Variants in MFSD11 observed in about 807,000 individuals in gnomAD.
MFSD11 encodes UNC93-like protein MFSD11.
A neutral mutation model predicts 53.5 loss-of-function variants in MFSD11; 36 were observed. The ratio of observed to expected loss-of-function variants is 0.67; its 90% CI spans 0.52 to 0.89. MFSD11 has a LOEUF of 0.89. MFSD11 is among the 40% of genes least tolerant of loss of function. The probability of loss-of-function intolerance (pLI) is 0.00; values close to 1 mark genes in which losing one functional copy is unlikely to be tolerated. For synonymous variants in MFSD11, 186 were observed against 184.9 expected (o/e 1.01, Z -0.05); for missense variants, 530 against 543.9 (o/e 0.97, Z 0.25).
chr17:76,778,511 G>T lies in MFSD11; in HGVS notation c.*159G>T. The T allele has an allele frequency of 1.5e-6, 1 of 647,610 alleles. No homozygotes were observed. Among genetic ancestry groups the T allele is most frequent in the South Asian group, 2.4e-5 (1 of 42,278 alleles). The allele number at this position is 647,610 out of a possible 1,614,324, so 40.1% of individuals were successfully genotyped here. ...TAAATCAGCCAGAGTTGGTGTTCAA[G>T]TTTACAGATATGAGTTATTTAAAGC... On this transcript the variant is annotated 3_prime_UTR_variant, in exon 13 of 13. Transcript: ENST00000685175.
At chr17:76,797,460 A>G in the MFSD11 span, among the ~76,000 whole-genome samples, 1 of 152,170 alleles carries the variant, frequency 6.6e-6, no homozygotes, top group African/African-American at 2.4e-5. Context: ...GTATGCTAAT[A>G]TGTTATACTT....
In MFSD11 at chr17:76,744,486, C is replaced by T. The variant is rs1328432928; in HGVS notation, c.641+20C>T. On this transcript the variant is annotated intron_variant, in intron 7 of 12. Transcript: ENST00000685175. The stretch of plus-strand genomic sequence containing the variant: ...CAACGAGTAAGATGTTGGAAACATT[C>T]TATTTTATTTTAAAATAGATTTTGA... The T allele has an allele frequency of 1.3e-6, 2 of 1,599,592 alleles. No homozygotes were observed. The highest frequency in any genetic ancestry group is 1.1e-5 in the South Asian group (1 of 88,780).
the MFSD11 span, among the ~76,000 whole-genome samples, chr17:76,791,660 C>A: frequency 3.6e-4 from 53 of 148,894 alleles, 6 homozygotes; most frequent in Middle Eastern, 0.01. Context: ...TGGCTGCCCC[C>A]CAAGCTGTAC....
chr17:76,780,517 G>GTT (rs80157532), downstream of MFSD11, among the ~76,000 whole-genome samples: 280 of 134,520 alleles, frequency 2.1e-3, 4 homozygotes, highest in African/African-American at 7.1e-3. Flanking sequence ...TTGTGTATGT[G>GTT]TTTTTTTTTT....
chr17:76,798,085 A>G, the MFSD11 span, among the ~76,000 whole-genome samples: 1 of 151,464 alleles, frequency 6.6e-6, no homozygotes. Flanking sequence ...ATGGGGTCTC[A>G]CTATGTTGCT....
At chr17:76,770,431 G>T (rs1212908504) in intron 10 of MFSD11, among the ~76,000 whole-genome samples, 2 of 152,080 alleles carry the variant, frequency 1.3e-5, no homozygotes, top group African/African-American at 4.8e-5. Context: ...AATGTCTCCC[G>T]ACTTTTCCTC....
At chr17:76,744,529 A>T in intron 7 of MFSD11, 63 bp downstream of exon 7, 1 of 1,462,866 alleles carries the variant, frequency 6.8e-7, no homozygotes, top group East Asian at 2.4e-5. Flanking sequence ...TAGTCTAGAG[A>T]TTACCAACCC....
chr17:76,740,811 G>T (rs2077999975), intron 2 of MFSD11, 146 bp from the exon 3 acceptor site: 1 of 595,928 alleles, frequency 1.7e-6, no homozygotes, highest in South Asian at 2.1e-5. Context: ...GTATTGAATT[G>T]AATGATATAA....
At chr17:76,786,074 C>CAAA (rs35306490), downstream of MFSD11, among the ~76,000 whole-genome samples, 5 of 75,874 alleles carry the variant, frequency 6.6e-5, no homozygotes, top group East Asian at 5.6e-4. Flanking sequence ...GACTCCATCT[C>CAAA]AAAAAAAAAA....
intron 10 of MFSD11, 33 bp from the exon 11 acceptor site, chr17:76,774,964 C>A: frequency 6.2e-7 from 1 of 1,601,064 alleles, no homozygotes; most frequent in Non-Finnish European, 8.5e-7. Flanking sequence ...GTTTCGGCAA[C>A]ATTAGTGACG....
rs530382493 is a variant in MFSD11, at chr17:76,754,101, G to A, written c.682+14G>A. 10 of 1,607,334 alleles carry A rather than the reference G, an allele frequency of 6.2e-6. No individual in the cohort carries two copies. The Admixed American group carries it at 1.3e-4, about 22-fold the overall frequency. ...TAGATGCTTTTAGTAAGTATTTTCT[G>A]TATCTGAAATGCAAGAACTGTTCAG... On this transcript the variant is annotated intron_variant, in intron 8 of 12. Coordinates refer to ENST00000685175, the MANE Select transcript of MFSD11 (RefSeq NM_001242532.5).
chr17:76,772,725 C>T (rs961007204), intron 10 of MFSD11, among the ~76,000 whole-genome samples: 7 of 151,992 alleles, frequency 4.6e-5, no homozygotes, highest in Non-Finnish European at 8.8e-5. Flanking sequence ...ACCATGTTGG[C>T]CAGGCTGGTC....
upstream of MFSD11, chr17:76,737,436 G>T (rs144979972): frequency 0.026 from 9,876 of 380,712 alleles, 208 homozygotes; most frequent in Non-Finnish European, 0.029. Context: ...GCCCCGCTTC[G>T]TAACGACCCT....
chr17:76,784,290 C>A (rs932709952), downstream of MFSD11, among the ~76,000 whole-genome samples: 1 of 152,110 alleles, frequency 6.6e-6, no homozygotes, highest in African/African-American at 2.4e-5. Flanking sequence ...AATCCCAGCA[C>A]TTTGGGAGGC....
chr17:76,752,068 G>A (rs1246648177), intron 7 of MFSD11, among the ~76,000 whole-genome samples: 1 of 152,180 alleles, frequency 6.6e-6, no homozygotes, highest in Non-Finnish European at 1.5e-5. Flanking sequence ...ATCATAGAAG[G>A]AAATGTCTGC....
chr17:76,760,128 C>T (rs2080067957), intron 8 of MFSD11, among the ~76,000 whole-genome samples: 2 of 150,758 alleles, frequency 1.3e-5, no homozygotes, highest in South Asian at 2.1e-4. Flanking sequence ...ATTAGCCAGG[C>T]GTGGTGGCTG....
intron 7 of MFSD11, among the ~76,000 whole-genome samples, chr17:76,753,437 C>T (rs1347691949): frequency 6.6e-6 from 1 of 152,120 alleles, no homozygotes; most frequent in Non-Finnish European, 1.5e-5. Flanking sequence ...CTTCAGGATG[C>T]TGAGGCAGGT....
At chr17:76,786,141 C>G (rs1353510597), downstream of MFSD11, among the ~76,000 whole-genome samples, 1 of 142,320 alleles carries the variant, frequency 7.0e-6, no homozygotes, top group Non-Finnish European at 1.5e-5. Context: ...TGGAGCTCTT[C>G]TAATTTTTTT....
chr17:76,756,861 GAAA>G (rs912586788), intron 8 of MFSD11, among the ~76,000 whole-genome samples: 1 of 100,648 alleles, frequency 9.9e-6, no homozygotes, highest in East Asian at 2.8e-4. Flanking sequence ...CTCCATCTCA[GAAA>G]AAAAAAAAAA....
Sources: allele counts gnomAD v4.1 joint callset (sites outside exome capture counted in the v4.1 genomes callset), GRCh38; gene constraint gnomAD v4.1.1; transcripts MANE v1.5; gene names NCBI Gene and HGNC (gene_info 2026-07-23, HGNC 2026-07-21).